Variants in EHD3 observed in about 807,000 individuals in gnomAD.
EHD3 encodes the protein EH domain containing 3.
EHD3 carries 17 observed loss-of-function variants against 43.0 expected under a neutral mutation model. The observed-to-expected ratio is 0.40, with a 90% confidence interval of 0.27 to 0.59. The LOEUF is 0.59. EHD3 is among the 20% of genes least tolerant of loss of function. The pLI is 0.49. For synonymous variants in EHD3, 313 were observed against 289.5 expected, an observed-to-expected ratio of 1.08 and a Z score of -0.82; for missense variants, 594 against 705.6, an observed-to-expected ratio of 0.84 and a Z score of 1.79.
chr2:31,244,162 T>C (rs764794529), intron 1 of EHD3, 112 bp from the exon 2 acceptor site: 67 of 993,390 alleles, frequency 6.7e-5, no homozygotes, highest in Non-Finnish European at 9.0e-5. Flanking sequence ...GAGATCTTGC[T>C]GCGGTGGCCC....
chr2:31,258,938 C>A (rs937471455), intron 3 of EHD3, among the ~76,000 whole-genome samples: 2 of 152,166 alleles, frequency 1.3e-5, no homozygotes, highest in Non-Finnish European at 2.9e-5. Context: ...TAAGTCAGGA[C>A]CCCTGTTAAA....
At chr2:31,243,964 A>G (rs754618628) in intron 1 of EHD3, among the ~76,000 whole-genome samples, 1 of 152,138 alleles carries the variant, frequency 6.6e-6, no homozygotes, top group South Asian at 2.1e-4. Flanking sequence ...TGTAAGAATC[A>G]TTTCAATCCA....
intron 2 of EHD3, among the ~76,000 whole-genome samples, chr2:31,246,696 C>T (rs545774393): frequency 6.6e-6 from 1 of 152,094 alleles, no homozygotes. Context: ...TCATTAACTC[C>T]ATTGTTAAAT....
chr2:31,256,595 G>A (rs993275907), intron 3 of EHD3, among the ~76,000 whole-genome samples: 2 of 152,254 alleles, frequency 1.3e-5, no homozygotes, highest in African/African-American at 4.8e-5. Context: ...CAGAACAGGA[G>A]CGTGCATGAT....
chr2:31,265,084 A>G (rs1683922078), intron 5 of EHD3, among the ~76,000 whole-genome samples: 1 of 152,138 alleles, frequency 6.6e-6, no homozygotes, highest in South Asian at 2.1e-4. Flanking sequence ...AGGTCTTGAG[A>G]GATAGTAATA....
In EHD3 at chr2:31,260,710, G is replaced by T. The variant is rs773880032; in HGVS notation, c.703G>T (p.Ala235Ser). ...ETQQLMRVYG[A>S]LMWSLGKIVN... ...GCAGCAGCTGATGCGGGTGTACGGG[G>T]CCCTCATGTGGTCCTTGGGGAAGAT... Residue 235 changes from alanine to serine, a missense_variant, in exon 4 of 6, where the codon GCC (alanine) becomes TCC (serine). By Grantham distance (99) the Ala-to-Ser change is moderately conservative (BLOSUM62 1). This residue lies in a region of EHD3 where 29 missense variants were observed against 60.9 expected (regional missense o/e 0.48). Transcript: ENST00000322054. This position sits in a 1 kb window ranked among gnomAD's most constrained non-coding sequence, Gnocchi z 4.6. The T allele has an allele frequency of 3.1e-6, 5 of 1,614,078 alleles. No homozygotes were observed. In the African/African-American group the frequency reaches 6.7e-5, roughly 22 times the overall value.
At chr2:31,243,847 A>C (rs2148716942) in intron 1 of EHD3, among the ~76,000 whole-genome samples, 1 of 152,240 alleles carries the variant, frequency 6.6e-6, no homozygotes, top group East Asian at 1.9e-4. Flanking sequence ...CGGTTAAATA[A>C]AGACCTATGA....
chr2:31,250,134 G>C (rs1683605051), intron 3 of EHD3, among the ~76,000 whole-genome samples: 1 of 151,752 alleles, frequency 6.6e-6, no homozygotes, highest in Non-Finnish European at 1.5e-5. Flanking sequence ...GGTGGGAATA[G>C]TATTATCCAT....
At chr2:31,254,966 T>C (rs767083964) in intron 3 of EHD3, among the ~76,000 whole-genome samples, 8 of 152,236 alleles carry the variant, frequency 5.3e-5, no homozygotes, top group African/African-American at 1.9e-4. Flanking sequence ...AGGCACTGCA[T>C]GCCAGGCCAT....
chr2:31,263,802 A>G (rs1260721254), intron 5 of EHD3, among the ~76,000 whole-genome samples: 1 of 152,094 alleles, frequency 6.6e-6, no homozygotes, highest in Non-Finnish European at 1.5e-5. Context: ...CAGCTTCTGG[A>G]GAGTTAGGTG....
intron 1 of EHD3, among the ~76,000 whole-genome samples, chr2:31,239,792 G>A (rs774890120): frequency 6.6e-6 from 1 of 152,184 alleles, no homozygotes; most frequent in Non-Finnish European, 1.5e-5. Flanking sequence ...AGCACCAGCT[G>A]TGCTCCAGGC....
intron 1 of EHD3, among the ~76,000 whole-genome samples, chr2:31,241,641 A>G (rs546916368): frequency 4.7e-4 from 71 of 152,228 alleles, no homozygotes; most frequent in Non-Finnish European, 7.6e-4. Context: ...CGTCCGGCAC[A>G]TCGCAGGTAC....
intron 1 of EHD3, 32 bp from the exon 2 acceptor site, chr2:31,244,242 G>A (rs576038350): frequency 1.4e-5 from 22 of 1,590,622 alleles, no homozygotes; most frequent in East Asian, 1.1e-4. Flanking sequence ...TGCGCAGAAC[G>A]CCTGCATTAG....
chr2:31,255,916 G>T (rs1683743782), intron 3 of EHD3, among the ~76,000 whole-genome samples: 1 of 152,206 alleles, frequency 6.6e-6, no homozygotes, highest in Admixed American at 6.5e-5. Flanking sequence ...GCAGCCTGCA[G>T]CCTCTCTCTC....
chr2:31,244,303 T>C lies in EHD3; in HGVS notation c.257T>C (p.Met86Thr). Residue 86 changes from methionine (M) to threonine (T), a missense_variant, in exon 2 of 6, where the codon ATG (methionine) becomes ACG (threonine). Physicochemically the swap from Met to Thr is moderately conservative, Grantham distance 81. Around this residue, in one of 3 missense-constraint regions of EHD3, gnomAD observed 243 missense variants for 296.7 expected, o/e 0.82. Coordinates refer to ENST00000322054, the MANE Select transcript of EHD3 (RefSeq NM_014600.3). ...RYLLEQDFPG[M>T]RIGPEPTTDS... is the part of the protein sequence containing the mutation. The stretch of plus-strand genomic sequence containing the variant: ...CTGCTGGAACAGGACTTCCCAGGCA[T>C]GAGGATTGGGCCTGAGCCCACCACA... The C allele has an allele frequency of 1.9e-6, 3 of 1,613,944 alleles. No homozygotes were observed. Among genetic ancestry groups the C allele is most frequent in the Non-Finnish European group, 2.5e-6 (3 of 1,179,872 alleles).
At chr2:31,246,639 T>C (rs1483865745) in intron 2 of EHD3, among the ~76,000 whole-genome samples, 2 of 152,136 alleles carry the variant, frequency 1.3e-5, no homozygotes, top group African/African-American at 2.4e-5. Context: ...CTGGGTGCAT[T>C]CCTGAGAGCT....
At chr2:31,262,257 G>A (rs1464340315) in intron 5 of EHD3, among the ~76,000 whole-genome samples, 2 of 152,182 alleles carry the variant, frequency 1.3e-5, no homozygotes, top group Non-Finnish European at 2.9e-5. Context: ...ATCAGAGGGA[G>A]GCATTTTTCA....
At chr2:31,255,922 C>T (rs546644398) in intron 3 of EHD3, among the ~76,000 whole-genome samples, 8 of 152,342 alleles carry the variant, frequency 5.3e-5, no homozygotes, top group African/African-American at 1.9e-4. Context: ...TGCAGCCTCT[C>T]TCTCTTGCTG....
At position 31,234,839 on chromosome 2, in the gene EHD3, C is replaced by T. The variant is rs1369797847; in HGVS notation, c.218C>T (p.Thr73Ile). The change falls in exon 1 of 6, where the codon ACC (threonine) becomes ATC (isoleucine). Residue 73 changes from threonine to isoleucine, a missense_variant. Around this residue, in one of 3 missense-constraint regions of EHD3, gnomAD observed 243 missense variants for 296.7 expected, o/e 0.82. Coordinates refer to ENST00000322054, the MANE Select transcript of EHD3 (RefSeq NM_014600.3). Reference protein sequence around the residue: ...LVGQYSTGKTTFIRYLLEQDF... With the variant: ...LVGQYSTGKTIFIRYLLEQDF... ...GGCCAGTACTCCACTGGGAAGACCA[C>T]CTTCATCAGGTGAGCCGGCCCAGGG... 3.1e-6 allele frequency: 5 copies of T among 1,614,136 alleles called. No individual in the cohort carries two copies. Among genetic ancestry groups the T allele is most frequent in the African/African-American group, 1.3e-5 (1 of 75,046 alleles).
Sources: allele counts gnomAD v4.1 joint callset (sites outside exome capture counted in the v4.1 genomes callset), GRCh38; gene constraint gnomAD v4.1.1; regional missense constraint gnomAD v4.1.1; non-coding constraint Gnocchi (gnomAD v3.1); transcripts MANE v1.5; gene names NCBI Gene and HGNC (gene_info 2026-07-23, HGNC 2026-07-21).